The following CPB1 variants were observed in gnomAD, a reference collection of about 807,000 sequenced individuals.
The protein encoded by CPB1 is carboxypeptidase B1, also known as carboxypeptidase B.
CPB1 carries 53 observed loss-of-function variants against 51.4 expected under a neutral mutation model. That is an observed-to-expected ratio of 1.03 (90% CI 0.83 to 1.30). The LOEUF (loss-of-function observed/expected upper bound fraction) is 1.30, where lower values mean the gene tolerates loss of function less well. Among genes scored for constraint, CPB1 ranks in the 50% most tolerant of loss-of-function variants. The pLI is 0.00. For missense variants in CPB1, 494 were observed against 516.2 expected (o/e 0.96, Z 0.42); for synonymous variants, 189 against 186.9 (o/e 1.01, Z -0.09).
chr3:148,841,109 G>C (rs1331253699), intron 5 of CPB1, 134 bp downstream of exon 5: 1 of 634,890 alleles, frequency 1.6e-6, no homozygotes, highest in Non-Finnish European at 2.6e-6. Context: ...ATCCCCGAGG[G>C]AACCAGATTC....
At chr3:148,856,788 C>A (rs534788358) in intron 9 of CPB1, 1 of 152,164 alleles carries the variant, frequency 6.6e-6, no homozygotes, top group Non-Finnish European at 1.5e-5. Flanking sequence ...AAAGATTACA[C>A]GTAAGTTAAT....
intron 10 of CPB1, 94 bp downstream of exon 10, chr3:148,857,635 T>C (rs1713620396): frequency 2.5e-6 from 2 of 811,452 alleles, no homozygotes; most frequent in Non-Finnish European, 3.8e-6. Flanking sequence ...GTTTAAAGCA[T>C]GTGGCTTTTG....
chr3:148,843,219 A>T (rs1270223052), intron 6 of CPB1, among the ~76,000 whole-genome samples: 3 of 152,204 alleles, frequency 2.0e-5, no homozygotes, highest in African/African-American at 7.2e-5. Context: ...ATGCTAATTT[A>T]TTCACTTTAA....
chr3:148,833,652 G>C (rs1332809504), intron 2 of CPB1, among the ~76,000 whole-genome samples: 3 of 151,944 alleles, frequency 2.0e-5, no homozygotes, highest in African/African-American at 7.3e-5. Context: ...AAGCAAGGAA[G>C]AGAATAACAG....
Position 148,844,733 on chromosome 3 carries a change from A to G in CPB1, c.744A>G (p.Thr248=). 6.2e-7 allele frequency: 1 copy of G among 1,613,996 alleles called. No homozygotes were observed. Among genetic ancestry groups the G allele is most frequent in the Non-Finnish European group, 8.5e-7 (1 of 1,179,870 alleles). Reference sequence around the variant, plus strand: ...ATACTGGATCTAGCTGCATTGGCACAGACCCCAACAGAAATTTTGATGCTG... The same window carrying G: ...ATACTGGATCTAGCTGCATTGGCACGGACCCCAACAGAAATTTTGATGCTG... ...STHTGSSCIG[T]DPNRNFDAGW... is the part of the protein sequence containing the mutation. Residue 248 remains threonine (T), a synonymous_variant, in exon 8 of 11, where the codon ACA becomes ACG. Transcript: ENST00000282957.
At chr3:148,848,903 C>G (rs1013855168) in intron 9 of CPB1, among the ~76,000 whole-genome samples, 13 of 152,122 alleles carry the variant, frequency 8.5e-5, no homozygotes, top group Non-Finnish European at 1.8e-4. Flanking sequence ...TAATGCTTTC[C>G]CATTTGCAAA....
At chr3:148,839,773 A>G (rs973838547) in intron 3 of CPB1, among the ~76,000 whole-genome samples, 1 of 152,206 alleles carries the variant, frequency 6.6e-6, no homozygotes, top group Non-Finnish European at 1.5e-5. Context: ...TATGTCAGAT[A>G]AAATCATTTC....
At chr3:148,858,354 C>T (rs1010965164) in intron 10 of CPB1, among the ~76,000 whole-genome samples, 5 of 152,010 alleles carry the variant, frequency 3.3e-5, no homozygotes, top group Admixed American at 2.6e-4. Flanking sequence ...AGGCAGATCC[C>T]GAGATCAGGA....
In CPB1 at chr3:148,827,986, T is replaced by C. The variant is rs2108008804; in HGVS notation, c.72-16T>C. ...TCATTTCCAATTCTCTGTGCTTCTA[T>C]TATCTCATTATTCAGCGAGAAGGTG... On this transcript the variant is annotated splice_polypyrimidine_tract_variant and intron_variant, in intron 1 of 10. Transcript: ENST00000282957. 6.2e-7 allele frequency: 1 copy of C among 1,613,354 alleles called. No homozygotes were observed. The highest frequency in any genetic ancestry group is 1.3e-5 in the African/African-American group (1 of 75,042).
At chr3:148,835,426 CT>C (rs1184951872) in intron 3 of CPB1, among the ~76,000 whole-genome samples, 1 of 152,094 alleles carries the variant, frequency 6.6e-6, no homozygotes, top group African/African-American at 2.4e-5. Flanking sequence ...TAGAGCAAGT[CT>C]AGGGGTCAGG....
chr3:148,844,640 C>T (rs1713181092), intron 7 of CPB1, 37 bp from the exon 8 acceptor site: 1 of 1,612,106 alleles, frequency 6.2e-7, no homozygotes, highest in African/African-American at 1.3e-5. Context: ...CAACGCCTCT[C>T]TATTATATTT....
rs747412178 is a variant in CPB1, at chr3:148,859,982, G to A, written c.1234G>A (p.Val412Ile). ...GGCAATCAAGTATGTTGCCAGCTAC[G>A]TCCTGGAACACCTGTACTAGTTGAG... ...FLAIKYVASY[V>I]LEHLY is the part of the protein sequence containing the mutation. The change falls in exon 11 of 11, where the codon GTC becomes ATC. Residue 412 changes from valine (V) to isoleucine (I), a missense_variant. Physicochemically the swap from Val to Ile is conservative, Grantham distance 29. Coordinates refer to ENST00000282957, the MANE Select transcript of CPB1 (RefSeq NM_001871.3). 38 of 1,613,960 alleles carry A rather than the reference G, an allele frequency of 2.4e-5. No individual in the cohort carries two copies. The highest frequency in any genetic ancestry group is 3.3e-4 in the Middle Eastern group (2 of 6,062).
intron 3 of CPB1, among the ~76,000 whole-genome samples, chr3:148,837,075 A>T (rs568188195): frequency 3.9e-5 from 6 of 152,346 alleles, no homozygotes; most frequent in Middle Eastern, 3.4e-3. Flanking sequence ...TTTCACTCTT[A>T]GTAACAGAAA....
Position 148,857,543 on chromosome 3 carries a change from T to C in CPB1, c.1066+2T>C. 6.2e-7 allele frequency: 1 copy of C among 1,611,974 alleles called. No individual in the cohort carries two copies. Among genetic ancestry groups the C allele is most frequent in the Non-Finnish European group, 8.5e-7 (1 of 1,178,140 alleles). ...ATGGCCCGGGAGCTACAACAATCTG[T>C]GAGTCTTGGCTTCAGAACTGTGCAA... is the stretch of plus-strand genomic sequence containing the variant. On this transcript the variant is annotated splice_donor_variant, in intron 10 of 10. Coordinates refer to ENST00000282957, the MANE Select transcript of CPB1 (RefSeq NM_001871.3). LOFTEE classifies it high-confidence loss of function.
At chr3:148,833,008 C>G (rs1459049422) in intron 2 of CPB1, among the ~76,000 whole-genome samples, 1 of 152,186 alleles carries the variant, frequency 6.6e-6, no homozygotes, top group Non-Finnish European at 1.5e-5. Flanking sequence ...AACACAAATT[C>G]AGAGCTAAGT....
At chr3:148,839,644 A>G (rs1713017622) in intron 3 of CPB1, among the ~76,000 whole-genome samples, 1 of 152,184 alleles carries the variant, frequency 6.6e-6, no homozygotes, top group Non-Finnish European at 1.5e-5. Flanking sequence ...ACCCAAGTTC[A>G]CCAATTGAAG....
At chr3:148,857,589 CCA>C in intron 10 of CPB1, 48 bp downstream of exon 10, 4 of 1,456,052 alleles carry the variant, frequency 2.7e-6, no homozygotes, top group Non-Finnish European at 3.8e-6. Context: ...GCCTAAAAAG[CCA>C]ACGAAAGGTT....
At position 148,834,491 on chromosome 3, in the gene CPB1, T is replaced by C; in HGVS notation, c.148-7T>C. On this transcript the variant is annotated splice_region_variant and splice_polypyrimidine_tract_variant and intron_variant, in intron 2 of 10. Coordinates refer to ENST00000282957, the MANE Select transcript of CPB1 (RefSeq NM_001871.3). ...TAGGTATCCAATATATCTTGTCCTT[T>C]ATTCAGATTGACTTCTGGAAGCCAG... The C allele has an allele frequency of 2.5e-6, 4 of 1,612,708 alleles. No homozygotes were observed. The South Asian group carries it at 3.3e-5, about 13-fold the overall frequency.
intron 3 of CPB1, among the ~76,000 whole-genome samples, chr3:148,835,114 G>A (rs1576567458): frequency 6.6e-6 from 1 of 152,116 alleles, no homozygotes; most frequent in South Asian, 2.1e-4. Flanking sequence ...TCTAATGGTA[G>A]GAGAAGGCAT....
Sources: allele counts gnomAD v4.1 joint callset (sites outside exome capture counted in the v4.1 genomes callset), GRCh38; gene constraint gnomAD v4.1.1; transcripts MANE v1.5; gene names NCBI Gene and HGNC (gene_info 2026-07-23, HGNC 2026-07-21).